CNTNAP2: variants seen among roughly 807,000 people sequenced by gnomAD.
CNTNAP2 encodes contactin associated protein 2, also known as contactin-associated protein-like 2.
A neutral mutation model predicts 155.2 loss-of-function variants in CNTNAP2; 98 were observed. The observed-to-expected ratio is 0.63, with a 90% CI of 0.54 to 0.75. CNTNAP2 has a LOEUF of 0.75. CNTNAP2 is among the 30% of genes least tolerant of loss of function. The probability of loss-of-function intolerance (pLI) is 0.00; values close to 1 mark genes in which losing one functional copy is unlikely to be tolerated. For missense variants in CNTNAP2, 1,727 were observed against 1,688.1 expected (o/e 1.02, Z -0.40); for synonymous variants, 651 against 631.2 (o/e 1.03, Z -0.47).
rs538510562 is a variant in CNTNAP2 at position 146,675,807 on chromosome 7, A to G, written c.98-98464A>G. 2.7e-5 allele frequency among the ~76,000 whole-genome samples: 4 copies of G among 147,740 alleles called. No homozygotes were observed. The East Asian group carries it at 5.8e-4, about 21-fold the overall frequency. On this transcript the variant is annotated intron_variant, in intron 1 of 23. Coordinates refer to ENST00000361727, the MANE Select transcript of CNTNAP2 (RefSeq NM_014141.6). Reference sequence around the variant, plus strand: ...ATAAGACTATCCATTGTTGAAGGCAATGTTCTTAGTTGTATTCATTGTTAT... The same window carrying G: ...ATAAGACTATCCATTGTTGAAGGCAGTGTTCTTAGTTGTATTCATTGTTAT...
chr7:147,494,099 C>CACT (rs1435079842), intron 11 of CNTNAP2, among the ~76,000 whole-genome samples: 3 of 152,002 alleles, frequency 2.0e-5, no homozygotes, highest in Non-Finnish European at 4.4e-5. Flanking sequence ...CCTGAAATCA[C>CACT]TTTTTGCACA....
At chr7:147,326,475 C>G (rs1485507235) in intron 9 of CNTNAP2, among the ~76,000 whole-genome samples, 1 of 152,186 alleles carries the variant, frequency 6.6e-6, no homozygotes, top group Non-Finnish European at 1.5e-5. Context: ...TGCTGTTTCA[C>G]TATTGTGAAT....
At chr7:147,052,839 T>G (rs749812388) in intron 4 of CNTNAP2, among the ~76,000 whole-genome samples, 2 of 152,074 alleles carry the variant, frequency 1.3e-5, no homozygotes, top group Admixed American at 1.3e-4. Flanking sequence ...AAAATTGTCA[T>G]GTGCTGTATG....
chr7:148,248,358 C>T (rs1796310976), intron 20 of CNTNAP2, among the ~76,000 whole-genome samples: 2 of 152,020 alleles, frequency 1.3e-5, no homozygotes, highest in South Asian at 4.2e-4. Context: ...GGCACTACAC[C>T]CGGCTAATTT....
At chr7:146,681,459 C>T (rs1186609969) in intron 1 of CNTNAP2, among the ~76,000 whole-genome samples, 789 of 48,360 alleles carry the variant, frequency 0.016, 19 homozygotes, top group African/African-American at 0.054. Flanking sequence ...GGCAGGGTGG[C>T]GGGGGGAGAG....
At chr7:148,362,509 G>A (rs1798644341) in intron 21 of CNTNAP2, among the ~76,000 whole-genome samples, 1 of 152,190 alleles carries the variant, frequency 6.6e-6, no homozygotes, top group Non-Finnish European at 1.5e-5. Flanking sequence ...TGCTGGTCTG[G>A]TGGCCACCCT....
chr7:147,271,189 A>G (rs76809660), intron 8 of CNTNAP2, among the ~76,000 whole-genome samples: 1,871 of 152,276 alleles, frequency 0.012, 46 homozygotes, highest in African/African-American at 0.042. Context: ...TCCTTGTCTT[A>G]GCTGCTAAGT....
chr7:147,970,082 A>T (rs961345229), intron 14 of CNTNAP2, among the ~76,000 whole-genome samples: 1 of 151,882 alleles, frequency 6.6e-6, no homozygotes, highest in Non-Finnish European at 1.5e-5. Flanking sequence ...GATGTACACC[A>T]CCATGCCTGG....
chr7:148,246,245 C>T (rs1402544237), intron 20 of CNTNAP2, among the ~76,000 whole-genome samples: 1 of 152,128 alleles, frequency 6.6e-6, no homozygotes, highest in Non-Finnish European at 1.5e-5. Flanking sequence ...ATAGAGCCAC[C>T]GTACTAAAAA....
rs71183011 is a variant in CNTNAP2, at chr7:147,502,741, G to GTA, written c.1777+16717_1777+16718dup. On this transcript the variant is annotated intron_variant, in intron 11 of 23. Coordinates refer to ENST00000361727, the MANE Select transcript of CNTNAP2 (RefSeq NM_014141.6). ...AATGTGTGTGTGTGTGTGTGTGTGT[G>GTA]TATATATATATATATATAAAACAAA... is the stretch of plus-strand genomic sequence containing the variant. Among the ~76,000 whole-genome samples, 875 of 99,954 alleles carry GTA rather than the reference G, an allele frequency of 8.8e-3. 7 individuals carry two copies. The highest frequency in any genetic ancestry group is 0.025 in the African/African-American group (626 of 24,748). 65.6% of individuals were successfully genotyped at this position (99,954 alleles called of 152,430 possible). A position where few individuals can be genotyped will look rare whatever the true frequency, so the allele number is the denominator to read the frequency against.
intron 2 of CNTNAP2, among the ~76,000 whole-genome samples, chr7:146,785,303 T>A (rs914072868): frequency 6.6e-6 from 1 of 152,148 alleles, no homozygotes; most frequent in African/African-American, 2.4e-5. Flanking sequence ...TAGAGAGTCT[T>A]TAGTATTTTT....
At chr7:146,912,020 G>A (rs1796293884) in intron 3 of CNTNAP2, among the ~76,000 whole-genome samples, 1 of 151,780 alleles carries the variant, frequency 6.6e-6, no homozygotes, top group Non-Finnish European at 1.5e-5. Context: ...ATAAATATTT[G>A]CATGTGGTAC....
intron 1 of CNTNAP2, among the ~76,000 whole-genome samples, chr7:146,620,637 T>G (rs1474511698): frequency 6.6e-6 from 1 of 152,166 alleles, no homozygotes; most frequent in African/African-American, 2.4e-5. Context: ...TTGGATCCCT[T>G]ATATCCCACA....
At chr7:147,726,632 G>C (rs1796649754) in intron 13 of CNTNAP2, among the ~76,000 whole-genome samples, 1 of 151,880 alleles carries the variant, frequency 6.6e-6, no homozygotes, top group African/African-American at 2.4e-5. Context: ...AGGTCACAAT[G>C]CTCCTATAAA....
At chr7:148,068,799 C>T (rs1225170735) in intron 15 of CNTNAP2, among the ~76,000 whole-genome samples, 1 of 152,202 alleles carries the variant, frequency 6.6e-6, no homozygotes, top group Non-Finnish European at 1.5e-5. Context: ...GTTGTTCCCT[C>T]AGCTCCTTTC....
intron 1 of CNTNAP2, among the ~76,000 whole-genome samples, chr7:146,229,373 A>G (rs911605473): frequency 1.3e-5 from 2 of 152,164 alleles, no homozygotes; most frequent in African/African-American, 2.4e-5. Flanking sequence ...TAGATAAACT[A>G]CTGTGAAGGG....
chr7:147,766,432 T>C (rs1667791301), intron 13 of CNTNAP2, among the ~76,000 whole-genome samples: 5 of 152,080 alleles, frequency 3.3e-5, no homozygotes, highest in Admixed American at 3.3e-4. Flanking sequence ...GTAATAACGG[T>C]GTAGGTGAAG....
chr7:148,063,015 T>G, intron 15 of CNTNAP2, among the ~76,000 whole-genome samples: 1 of 152,144 alleles, frequency 6.6e-6, no homozygotes, highest in Non-Finnish European at 1.5e-5. Context: ...TGAACAAAGC[T>G]GGCCAAAGCA....
intron 3 of CNTNAP2, among the ~76,000 whole-genome samples, chr7:146,974,396 C>A (rs928847810): frequency 6.6e-6 from 1 of 151,658 alleles, no homozygotes; most frequent in African/African-American, 2.4e-5. Context: ...CGAGATCATG[C>A]CATTGCACTC....
Sources: allele counts gnomAD v4.1 joint callset (sites outside exome capture counted in the v4.1 genomes callset), GRCh38; gene constraint gnomAD v4.1.1; transcripts MANE v1.5; gene names NCBI Gene and HGNC (gene_info 2026-07-23, HGNC 2026-07-21).